NALCN: variants seen among roughly 807,000 people sequenced by gnomAD.
NALCN encodes the protein sodium leak channel, non-selective, also known as sodium leak channel NALCN.
In NALCN, 111 loss-of-function variants were observed where a neutral mutation model predicts 225.3. That is an observed-to-expected ratio of 0.49 (90% CI 0.42 to 0.58). The LOEUF (loss-of-function observed/expected upper bound fraction) is 0.58, where lower values mean the gene tolerates loss of function less well. NALCN is among the 20% of genes least tolerant of loss of function. The pLI is 0.00. For missense variants in NALCN, 1,378 were observed against 2,202.4 expected (o/e 0.63, Z 7.49); for synonymous variants, 764 against 769.0 (o/e 0.99, Z 0.11).
intron 1 of NALCN, among the ~76,000 whole-genome samples, chr13:101,406,504 T>A (rs895692249): frequency 1.3e-5 from 2 of 152,222 alleles, no homozygotes; most frequent in Non-Finnish European, 2.9e-5. Context: ...ACTTTTTCAA[T>A]ATATTTAAAT....
intron 4 of NALCN, among the ~76,000 whole-genome samples, chr13:101,377,526 T>A (rs1024873500): frequency 6.6e-6 from 1 of 152,112 alleles, no homozygotes; most frequent in African/African-American, 2.4e-5. Context: ...AAGAACACAT[T>A]AATGTGAGAA....
At chr13:101,080,673 TAAA>T (rs1230450510) in intron 34 of NALCN, among the ~76,000 whole-genome samples, 1 of 146,664 alleles carries the variant, frequency 6.8e-6, no homozygotes, top group Non-Finnish European at 1.5e-5. Context: ...ATATAAATAA[TAAA>T]AATATATACA....
intron 3 of NALCN, among the ~76,000 whole-genome samples, chr13:101,380,084 C>CATATAT (rs58967712): frequency 0.17 from 25,997 of 151,602 alleles, 2,399 homozygotes; most frequent in East Asian, 0.33. Context: ...TATATATACA[C>CATATAT]ATATATACAT....
chr13:101,144,682 G>T, intron 16 of NALCN, 78 bp downstream of exon 16: 1 of 1,456,094 alleles, frequency 6.9e-7, no homozygotes, highest in African/African-American at 1.4e-5. Context: ...ATACTTAAAA[G>T]AAGGGTTAAA....
At chr13:101,357,255 C>T (rs145516645) in intron 6 of NALCN, among the ~76,000 whole-genome samples, 93 of 152,022 alleles carry the variant, frequency 6.1e-4, no homozygotes, top group African/African-American at 2.1e-3. Flanking sequence ...TTTTCTGTTT[C>T]CAGATGTCGT....
intron 10 of NALCN, among the ~76,000 whole-genome samples, chr13:101,264,784 A>C (rs1459117997): frequency 6.6e-6 from 1 of 152,214 alleles, no homozygotes; most frequent in Non-Finnish European, 1.5e-5. Flanking sequence ...GGACTACACT[A>C]ACATAAAAAT....
intron 1 of NALCN, among the ~76,000 whole-genome samples, chr13:101,402,589 T>C (rs1435773610): frequency 6.6e-6 from 1 of 152,220 alleles, no homozygotes; most frequent in African/African-American, 2.4e-5. Context: ...GTCTTTTGAA[T>C]CTTCTCCTGT....
chr13:101,222,686 A>G (rs1371706788), intron 13 of NALCN, among the ~76,000 whole-genome samples: 4 of 152,220 alleles, frequency 2.6e-5, no homozygotes, highest in Non-Finnish European at 4.4e-5. Flanking sequence ...TGCCCTAATA[A>G]GAGCACTAAC....
At position 101,359,145 on chromosome 13, in the gene NALCN, G is replaced by A. The variant is rs1566613480; in HGVS notation, c.645-13725C>T. Reference sequence around the variant, plus strand: ...ACCACCATGGCACATGTATACCTAGGTAGCAAACCTGCACATTCTGCCCAT... The same window carrying A: ...ACCACCATGGCACATGTATACCTAGATAGCAAACCTGCACATTCTGCCCAT... On this transcript the variant is annotated intron_variant, in intron 6 of 43. Transcript: ENST00000251127. Among the ~76,000 whole-genome samples, 3 of 152,082 alleles carry A rather than the reference G, an allele frequency of 2.0e-5. No individual in the cohort carries two copies. The South Asian group carries it at 6.2e-4, about 32-fold the overall frequency.
intron 13 of NALCN, among the ~76,000 whole-genome samples, chr13:101,223,591 G>A (rs934235826): frequency 1.3e-5 from 2 of 152,086 alleles, no homozygotes; most frequent in African/African-American, 4.8e-5. Flanking sequence ...TTACCTGGAA[G>A]CTACACATCC....
chr13:101,369,615 A>C (rs910442712), intron 6 of NALCN, among the ~76,000 whole-genome samples: 3 of 152,152 alleles, frequency 2.0e-5, no homozygotes, highest in Admixed American at 6.6e-5. Context: ...TTTTAATAAA[A>C]CGGTAATTTG....
At chr13:101,080,235 C>G (rs1457021150) in intron 34 of NALCN, among the ~76,000 whole-genome samples, 1 of 152,060 alleles carries the variant, frequency 6.6e-6, no homozygotes, top group East Asian at 1.9e-4. Context: ...CCATATCTTC[C>G]AGAGCTGTGC....
intron 13 of NALCN, among the ~76,000 whole-genome samples, chr13:101,206,049 C>T (rs1341428294): frequency 1.3e-5 from 2 of 151,862 alleles, no homozygotes; most frequent in Admixed American, 1.3e-4. Flanking sequence ...TAAAATAAAC[C>T]ACACTTCAGA....
rs371429583 is a variant in NALCN at position 101,378,630 on chromosome 13, A to G, written c.315T>C (p.Asp105=). 3 of 1,610,700 alleles carry G rather than the reference A, an allele frequency of 1.9e-6. No homozygotes were observed. Among genetic ancestry groups the G allele is most frequent in the Non-Finnish European group, 2.5e-6 (3 of 1,178,136 alleles). The change falls in exon 4 of 44, where the codon GAT becomes GAC. Residue 105 remains aspartate, a synonymous_variant. Transcript: ENST00000251127. ...IVKGDSSYVK[D]RWCVFDGFMV... is the part of the protein sequence containing the mutation. ...TAAATCCATCAAAAACACACCAGCGATCTTTCACATAGGAACTATCCCCCT... is the reference window on the plus strand; with the variant it reads ...TAAATCCATCAAAAACACACCAGCGGTCTTTCACATAGGAACTATCCCCCT...
intron 9 of NALCN, among the ~76,000 whole-genome samples, chr13:101,287,568 CA>C (rs2043386050): frequency 6.6e-6 from 1 of 152,138 alleles, no homozygotes; most frequent in Non-Finnish European, 1.5e-5. Flanking sequence ...TTAAATAAGA[CA>C]GTTTGTAAAG....
intron 7 of NALCN, among the ~76,000 whole-genome samples, chr13:101,333,185 C>T (rs985634763): frequency 6.6e-6 from 1 of 152,112 alleles, no homozygotes; most frequent in African/African-American, 2.4e-5. Context: ...ATACATCTCA[C>T]TTTTCTACTT....
At position 101,291,986 on chromosome 13, in the gene NALCN, G is replaced by A. The variant is rs199900618; in HGVS notation, c.1047+4C>T. On this transcript the variant is annotated splice_donor_region_variant and intron_variant, in intron 9 of 43. Coordinates refer to ENST00000251127, the MANE Select transcript of NALCN (RefSeq NM_052867.4). ...GTTATAACATCCTCTTGCTGATAGC[G>A]TACCTGGGTGGTGGCTGTTGAGGTA... 6.1e-5 allele frequency: 99 copies of A among 1,613,738 alleles called. No individual in the cohort carries two copies. The South Asian group carries it at 7.8e-4, about 13-fold the overall frequency.
At chr13:101,321,723 T>G (rs2044751986) in intron 7 of NALCN, among the ~76,000 whole-genome samples, 4 of 152,158 alleles carry the variant, frequency 2.6e-5, no homozygotes, top group Admixed American at 2.6e-4. Context: ...GGTGTATATT[T>G]ATTCATATAA....
chr13:101,295,165 A>T (rs2043697410), intron 7 of NALCN, among the ~76,000 whole-genome samples: 1 of 152,228 alleles, frequency 6.6e-6, no homozygotes, highest in African/African-American at 2.4e-5. Context: ...GGAACAACAC[A>T]TACATAAAAT....
Sources: allele counts gnomAD v4.1 joint callset (sites outside exome capture counted in the v4.1 genomes callset), GRCh38; gene constraint gnomAD v4.1.1; transcripts MANE v1.5; gene names NCBI Gene and HGNC (gene_info 2026-07-23, HGNC 2026-07-21).